LMBRD2: variants seen among roughly 807,000 people sequenced by gnomAD.
LMBRD2 encodes G protein-coupled receptor-associated protein LMBRD2.
A neutral mutation model predicts 94.4 loss-of-function variants in LMBRD2; 55 were observed. The ratio of observed to expected loss-of-function variants is 0.58; its 90% CI spans 0.47 to 0.73. The LOEUF (loss-of-function observed/expected upper bound fraction) is 0.73. LMBRD2 is among the 30% of genes least tolerant of loss of function. LMBRD2 has a pLI of 0.00. For synonymous variants in LMBRD2, 246 were observed against 272.4 expected (o/e 0.90, Z 0.95); for missense variants, 640 against 831.9 (o/e 0.77, Z 2.84).
In LMBRD2 at chr5:36,117,772, T is replaced by C. The variant is rs1743793016; in HGVS notation, c.1265A>G (p.Gln422Arg). Residue 422 changes from glutamine (Q) to arginine (R), a missense_variant, in exon 10 of 18, where the codon CAG (glutamine) becomes CGG (arginine). Gln to Arg is a conservative substitution (Grantham distance 43). Coordinates refer to ENST00000296603, the MANE Select transcript of LMBRD2 (RefSeq NM_001007527.2). ...ATAATTATATGTTTTTTCTGCCAGC[T>C]GTATGAAGACCGCAAAGAGGGATAA... is the stretch of plus-strand genomic sequence containing the variant. The part of the protein sequence containing the change: ...PVLSLFAVFI[Q>R]LAEKTYNYIY... 6.2e-7 allele frequency: 1 copy of C among 1,610,572 alleles called. No homozygotes were observed. The highest frequency in any genetic ancestry group is 2.2e-5 in the East Asian group (1 of 44,822).
At chr5:36,150,583 C>T (rs1744671808) in intron 1 of LMBRD2, among the ~76,000 whole-genome samples, 1 of 152,208 alleles carries the variant, frequency 6.6e-6, no homozygotes, top group Non-Finnish European at 1.5e-5. Context: ...AAGGCAAATG[C>T]TTTCTCCTTA....
At chr5:36,150,853 AAG>A (rs1744682552) in intron 1 of LMBRD2, among the ~76,000 whole-genome samples, 1 of 152,218 alleles carries the variant, frequency 6.6e-6, no homozygotes, top group South Asian at 2.1e-4. Context: ...ATACCTGCAC[AAG>A]GGAGGTTTAA....
intron 16 of LMBRD2, among the ~76,000 whole-genome samples, chr5:36,107,196 T>TA (rs1203394192): frequency 6.6e-6 from 1 of 152,204 alleles, no homozygotes; most frequent in East Asian, 1.9e-4. Flanking sequence ...TATTTAGCTC[T>TA]TTTGTATAGT....
chr5:36,142,458 T>TAGGG, intron 3 of LMBRD2, 44 bp downstream of exon 3: 1 of 1,106,358 alleles, frequency 9.0e-7, no homozygotes, highest in Non-Finnish European at 1.4e-6. Flanking sequence ...TTAAACAATG[T>TAGGG]GTCCCCTACA....
chr5:36,146,941 AGTGTGT>A lies in LMBRD2; in HGVS notation c.-57-3541_-57-3536del, dbSNP rs371000455. On this transcript the variant is annotated intron_variant, in intron 1 of 17. Transcript: ENST00000296603. ...CTCTGCGTGTGTGTGTGTGTGTGTG[AGTGTGT>A]GTGTGTGTGTGTGTGTGTGTGTGTG... is the stretch of plus-strand genomic sequence containing the variant. Among the ~76,000 whole-genome samples the A allele has an allele frequency of 9.5e-3, 1,329 of 139,406 alleles. 34 individuals are homozygous for A. In the East Asian group the frequency reaches 0.11, roughly 12 times the overall value. 91.5% of individuals were successfully genotyped at this position (139,406 alleles called of 152,430 possible).
intron 5 of LMBRD2, 36 bp from the exon 6 acceptor site, chr5:36,136,555 T>A: frequency 2.5e-6 from 4 of 1,568,640 alleles, no homozygotes; most frequent in Non-Finnish European, 3.5e-6. Context: ...ATGTATATTT[T>A]AATGGAAAGA....
chr5:36,105,635 G>C (rs1216019819), intron 16 of LMBRD2, among the ~76,000 whole-genome samples: 1 of 152,168 alleles, frequency 6.6e-6, no homozygotes, highest in Admixed American at 6.5e-5. Context: ...GCAAGAGTAT[G>C]GGTAGCACTA....
At chr5:36,106,361 G>A (rs973829418) in intron 16 of LMBRD2, among the ~76,000 whole-genome samples, 1 of 151,966 alleles carries the variant, frequency 6.6e-6, no homozygotes, top group Non-Finnish European at 1.5e-5. Flanking sequence ...TTACCAAACA[G>A]TCTCTGAAAT....
chr5:36,144,345 A>C, intron 1 of LMBRD2, among the ~76,000 whole-genome samples: 1 of 152,206 alleles, frequency 6.6e-6, no homozygotes, highest in Non-Finnish European at 1.5e-5. Flanking sequence ...TATTTCAAGG[A>C]ATTGATTAAT....
intron 1 of LMBRD2, among the ~76,000 whole-genome samples, chr5:36,146,042 T>C (rs1744529688): frequency 6.6e-6 from 1 of 152,218 alleles, no homozygotes. Context: ...TTTTTTACTA[T>C]GGCACTCTGT....
At chr5:36,148,380 T>A (rs1053623504) in intron 1 of LMBRD2, among the ~76,000 whole-genome samples, 9 of 152,126 alleles carry the variant, frequency 5.9e-5, no homozygotes, top group African/African-American at 1.9e-4. Context: ...CTTTACCTTT[T>A]GCAAGGCATG....
At position 36,106,510 on chromosome 5, in the gene LMBRD2, T is replaced by G. The variant is rs544419771; in HGVS notation, c.1898-1313A>C. 7.0e-4 allele frequency among the ~76,000 whole-genome samples: 85 copies of G among 122,098 alleles called. 2 individuals carry two copies. Among genetic ancestry groups the G allele is most frequent in the African/African-American group, 2.8e-3 (73 of 25,824 alleles). The allele number at this position is 122,098 out of a possible 152,430, so 80.1% of individuals were successfully genotyped here. On this transcript the variant is annotated intron_variant, in intron 16 of 17. Coordinates refer to ENST00000296603, the MANE Select transcript of LMBRD2 (RefSeq NM_001007527.2). ...AAAATCCCAACTTTTTTTTCTTTCG[T>G]TTTTTTTTTTTTTTTTTTTGATGGA...
chr5:36,139,107 C>T (rs554458117), intron 4 of LMBRD2, among the ~76,000 whole-genome samples: 1 of 152,334 alleles, frequency 6.6e-6, no homozygotes, highest in Admixed American at 6.5e-5. Context: ...ACCCAGGCAT[C>T]CCTGCACTTT....
chr5:36,110,745 G>A (rs1263797422), intron 14 of LMBRD2, among the ~76,000 whole-genome samples: 1 of 152,010 alleles, frequency 6.6e-6, no homozygotes, highest in Admixed American at 6.6e-5. Flanking sequence ...CTAACAGGCT[G>A]TTAATGATCA....
chr5:36,113,780 G>A (rs1488103169), intron 13 of LMBRD2, among the ~76,000 whole-genome samples: 1 of 152,198 alleles, frequency 6.6e-6, no homozygotes, highest in Non-Finnish European at 1.5e-5. Context: ...AGTACAGGAT[G>A]AGGAGGCCTG....
At chr5:36,134,683 C>T (rs971095470) in intron 6 of LMBRD2, among the ~76,000 whole-genome samples, 1 of 152,070 alleles carries the variant, frequency 6.6e-6, no homozygotes, top group Non-Finnish European at 1.5e-5. Flanking sequence ...CAGATTTTCC[C>T]TAGAACCCTC....
In LMBRD2 at chr5:36,115,020, T is replaced by TCAGAAA; in HGVS notation, c.1536_1537insTTTCTG (p.Tyr512_Thr513insPheLeu). 6.4e-7 allele frequency: 1 copy of TCAGAAA among 1,570,170 alleles called. No homozygotes were observed. The highest frequency in any genetic ancestry group is 8.8e-7 in the Non-Finnish European group (1 of 1,141,250). On this transcript the variant is annotated inframe_insertion, in exon 12 of 18. Coordinates refer to ENST00000296603, the MANE Select transcript of LMBRD2 (RefSeq NM_001007527.2). ...TATTTTCTGACCGTACTTACAGATG[T>TCAGAAA]ATAAGCAGTTGGTTGAGTATTCTTG...
chr5:36,112,516 G>GT (rs1743636040), intron 13 of LMBRD2, among the ~76,000 whole-genome samples: 1 of 152,182 alleles, frequency 6.6e-6, no homozygotes, highest in African/African-American at 2.4e-5. Flanking sequence ...TGAAATGTCA[G>GT]TAAGGCATTG....
chr5:36,120,963 C>T (rs1412211808), intron 9 of LMBRD2, among the ~76,000 whole-genome samples: 1 of 152,086 alleles, frequency 6.6e-6, no homozygotes, highest in Non-Finnish European at 1.5e-5. Context: ...CAGGCTTGGT[C>T]CTCAGACTTT....
Sources: allele counts gnomAD v4.1 joint callset (sites outside exome capture counted in the v4.1 genomes callset), GRCh38; gene constraint gnomAD v4.1.1; transcripts MANE v1.5; gene names NCBI Gene and HGNC (gene_info 2026-07-23, HGNC 2026-07-21).